The following JAKMIP1 variants were observed in gnomAD, a reference collection of about 807,000 sequenced individuals.
The protein encoded by JAKMIP1 is janus kinase and microtubule interacting protein 1, also known as janus kinase and microtubule-interacting protein 1.
JAKMIP1 carries 33 observed loss-of-function variants against 113.0 expected under a neutral mutation model. The observed-to-expected ratio is 0.29, with a 90% confidence interval of 0.22 to 0.39. The LOEUF (loss-of-function observed/expected upper bound fraction) is 0.39. Ranked by LOEUF, JAKMIP1 falls within the 10% of genes least tolerant of loss-of-function variation. The probability of loss-of-function intolerance (pLI) is 1.00; values close to 1 mark genes in which losing one functional copy is unlikely to be tolerated. For synonymous variants in JAKMIP1, 480 were observed against 459.9 expected, an observed-to-expected ratio of 1.04 and a Z score of -0.56; for missense variants, 813 against 1,080.5, an observed-to-expected ratio of 0.75 and a Z score of 3.47.
At chr4:6,085,858 A>C (rs1464623171) in intron 3 of JAKMIP1, among the ~76,000 whole-genome samples, 1 of 152,184 alleles carries the variant, frequency 6.6e-6, no homozygotes, top group African/African-American at 2.4e-5. Context: ...AAGCACATAC[A>C]TATTCAACCT....
chr4:6,026,416 A>G, intron 20 of JAKMIP1, 138 bp from the exon 21 acceptor site: 1 of 622,218 alleles, frequency 1.6e-6, no homozygotes. Flanking sequence ...GGAAAGAGAA[A>G]TGGGAAGTAA....
At chr4:6,039,193 C>T (rs1578057703) in intron 18 of JAKMIP1, among the ~76,000 whole-genome samples, 1 of 152,260 alleles carries the variant, frequency 6.6e-6, no homozygotes, top group South Asian at 2.1e-4. Context: ...TCTTAGGGGC[C>T]CCTCAGGCCT....
Position 6,137,659 on chromosome 4 carries a change from G to A in JAKMIP1, c.-147-24662C>T, listed in dbSNP as rs927194121. On this transcript the variant is annotated intron_variant, in intron 1 of 20. Coordinates refer to ENST00000409021, the MANE Select transcript of JAKMIP1 (RefSeq NM_001099433.2). This position sits in a 1 kb window ranked among gnomAD's most constrained non-coding sequence, Gnocchi z 4.5. ...GACCAAATGAGCTATCCTGAAATGC[G>A]GAGGCTAAAGAGCCACAAACCATAT... Among the ~76,000 whole-genome samples, 3 of 152,206 alleles carry A rather than the reference G, an allele frequency of 2.0e-5. No homozygotes were observed. The highest frequency in any genetic ancestry group is 4.8e-5 in the African/African-American group (2 of 41,460).
intron 1 of JAKMIP1, among the ~76,000 whole-genome samples, chr4:6,133,370 A>C (rs1341555609): frequency 6.6e-6 from 1 of 152,250 alleles, no homozygotes; most frequent in African/African-American, 2.4e-5. Flanking sequence ...AAAGGTTAGA[A>C]CAAGTACTCC....
Position 6,116,377 on chromosome 4 carries a change from T to C in JAKMIP1, c.-147-3380A>G, listed in dbSNP as rs781446117. Among the ~76,000 whole-genome samples, 12 of 151,922 alleles carry C rather than the reference T, an allele frequency of 7.9e-5. No homozygotes were observed. The highest frequency in any genetic ancestry group is 1.5e-5 in the Non-Finnish European group (1 of 67,998). ...AGCCCACTGCCCACCAAGCAGGAGA[T>C]GGCACAGCCCACTGTCGAGGAAGGA... On this transcript the variant is annotated intron_variant, in intron 1 of 20. Transcript: ENST00000409021. The surrounding 1 kb of genome is among the most constrained non-coding windows in gnomAD (Gnocchi z 5.1).
rs189083470 is a variant in JAKMIP1, at chr4:6,187,200, A to G, written c.-148+13053T>C. Among the ~76,000 whole-genome samples, 18 of 152,244 alleles carry G rather than the reference A, an allele frequency of 1.2e-4. No individual in the cohort carries two copies. The highest frequency in any genetic ancestry group is 9.8e-4 in the Admixed American group (15 of 15,288). ...AGGTGCAAATATGTTTATAATTGTT[A>G]TATATTTCTGATGTATTGAACTTCT... On this transcript the variant is annotated intron_variant, in intron 1 of 20. Transcript: ENST00000409021. The surrounding 1 kb of genome is among the most constrained non-coding windows in gnomAD (Gnocchi z 4.2).
Position 6,167,508 on chromosome 4 carries a change from G to A in JAKMIP1, c.-148+32745C>T, listed in dbSNP as rs905322038. Among the ~76,000 whole-genome samples, 1 of 152,148 alleles carries A rather than the reference G, an allele frequency of 6.6e-6. No individual in the cohort carries two copies. The highest frequency in any genetic ancestry group is 1.5e-5 in the Non-Finnish European group (1 of 68,028). Reference sequence around the variant, plus strand: ...GATGGTGTCACAGCTGTGCAACCTGGGCCACTGCAAAGGGCCCTGAGCTTT... The same window carrying A: ...GATGGTGTCACAGCTGTGCAACCTGAGCCACTGCAAAGGGCCCTGAGCTTT... On this transcript the variant is annotated intron_variant, in intron 1 of 20. Coordinates refer to ENST00000409021, the MANE Select transcript of JAKMIP1 (RefSeq NM_001099433.2). This position sits in a 1 kb window ranked among gnomAD's most constrained non-coding sequence, Gnocchi z 5.3.
chr4:6,069,470 C>T lies in JAKMIP1; in HGVS notation c.1303-4462G>A, dbSNP rs552202620. ...ATTCAGATTAAGATTCAGTTTTGGC[C>T]GGGCACAGTGGCTCATGCCTGTAAT... On this transcript the variant is annotated intron_variant, in intron 8 of 20. Coordinates refer to ENST00000409021, the MANE Select transcript of JAKMIP1 (RefSeq NM_001099433.2). This position sits in a 1 kb window ranked among gnomAD's most constrained non-coding sequence, Gnocchi z 4.5. Among the ~76,000 whole-genome samples the T allele has an allele frequency of 3.9e-5, 6 of 152,240 alleles. No individual in the cohort carries two copies. In the South Asian group the frequency reaches 1.0e-3, roughly 26 times the overall value.
chr4:6,053,221 G>A (rs776177129), intron 13 of JAKMIP1, among the ~76,000 whole-genome samples: 2 of 152,192 alleles, frequency 1.3e-5, no homozygotes, highest in Admixed American at 6.5e-5. Flanking sequence ...TAACACACCC[G>A]AGGTAAGATT....
At position 6,044,180 on chromosome 4, in the gene JAKMIP1, C is replaced by T. The variant is rs571967981; in HGVS notation, c.2029-1953G>A. On this transcript the variant is annotated intron_variant, in intron 16 of 20. Transcript: ENST00000409021. The surrounding 1 kb of genome is among the most constrained non-coding windows in gnomAD (Gnocchi z 4.4). ...CTTGTGAATGCCGGGTCGTAGCACT[C>T]ACCTGACAGCGCTGTTGTCTGTTTC... Among the ~76,000 whole-genome samples, 1 of 129,436 alleles carries T rather than the reference C, an allele frequency of 7.7e-6. No individual in the cohort carries two copies. Among genetic ancestry groups the T allele is most frequent in the South Asian group, 2.2e-4 (1 of 4,468 alleles). 84.9% of individuals were successfully genotyped at this position (129,436 alleles called of 152,430 possible). A position where few individuals can be genotyped will look rare whatever the true frequency, so the allele number is the denominator to read the frequency against.
In JAKMIP1 at chr4:6,065,778, A is replaced by T. The variant is rs564353199; in HGVS notation, c.1303-770T>A. The stretch of plus-strand genomic sequence containing the variant: ...CTTCTCCCACTCCAAATATCATAGG[A>T]TATGGGGCTTCATTCATCTGTCTAT... On this transcript the variant is annotated intron_variant, in intron 8 of 20. Transcript: ENST00000409021. The surrounding 1 kb of genome is among the most constrained non-coding windows in gnomAD (Gnocchi z 5.1). Among the ~76,000 whole-genome samples the T allele has an allele frequency of 5.1e-4, 78 of 152,262 alleles. No homozygotes were observed. The highest frequency in any genetic ancestry group is 1.8e-3 in the African/African-American group (75 of 41,552).
intron 4 of JAKMIP1, 106 bp downstream of exon 4, chr4:6,085,314 A>G (rs202013104): frequency 2.7e-4 from 239 of 884,718 alleles, no homozygotes; most frequent in Non-Finnish European, 3.5e-4. Flanking sequence ...GAATGAATGA[A>G]TGAGTGAATA....
intron 1 of JAKMIP1, among the ~76,000 whole-genome samples, chr4:6,130,481 A>G (rs73198075): frequency 0.17 from 26,408 of 152,200 alleles, 2,671 homozygotes; most frequent in Middle Eastern, 0.25. Flanking sequence ...CAAATGCATC[A>G]TGTCTGGCTC....
intron 9 of JAKMIP1, among the ~76,000 whole-genome samples, chr4:6,063,197 C>T (rs987860084): frequency 6.6e-6 from 1 of 152,114 alleles, no homozygotes; most frequent in Non-Finnish European, 1.5e-5. Context: ...GAAGGAGCTC[C>T]ATGCATGGTT....
Position 6,154,516 on chromosome 4 carries a change from CA to C in JAKMIP1, c.-147-41520del, listed in dbSNP as rs1721995896. 1.3e-5 allele frequency among the ~76,000 whole-genome samples: 2 copies of C among 149,276 alleles called. No homozygotes were observed. The highest frequency in any genetic ancestry group is 4.9e-5 in the African/African-American group (2 of 40,584). On this transcript the variant is annotated intron_variant, in intron 1 of 20. Transcript: ENST00000409021. The surrounding 1 kb of genome is among the most constrained non-coding windows in gnomAD (Gnocchi z 4.2). ...ATAGTCCTTTAAAAAAAAAAAAAAG[CA>C]GGGGGGATATAAAAGGAAGAGGATG...
At chr4:6,054,484 C>T (rs1716077110) in intron 12 of JAKMIP1, among the ~76,000 whole-genome samples, 1 of 152,192 alleles carries the variant, frequency 6.6e-6, no homozygotes, top group South Asian at 2.1e-4. Context: ...TTCCTTGAGG[C>T]CAAACACTGG....
rs1002730678 is a variant in JAKMIP1 at position 6,062,440 on chromosome 4, C to T, written c.1432G>A (p.Ala478Thr). The change falls in exon 10 of 21, where the codon GCC becomes ACC. Residue 478 changes from alanine to threonine, a missense_variant and splice_region_variant. Transcript: ENST00000409021. The stretch of plus-strand genomic sequence containing the variant: ...AGGTCAGCCTCCTCTCGGGCTGTGG[C>T]CTTCACATAATGGAGAAGAAAACAA... ...PATPEEDLDD[A>T]TAREEADLRF... 6 of 1,612,242 alleles carry T rather than the reference C, an allele frequency of 3.7e-6. No individual in the cohort carries two copies. In the African/African-American group the frequency reaches 8.0e-5, roughly 22 times the overall value.
In JAKMIP1 at chr4:6,193,497, C is replaced by T. The variant is rs1727510956; in HGVS notation, c.-148+6756G>A. 6.6e-6 allele frequency among the ~76,000 whole-genome samples: 1 copy of T among 152,278 alleles called. No homozygotes were observed. Among genetic ancestry groups the T allele is most frequent in the Middle Eastern group, 3.4e-3 (1 of 294 alleles). ...CTGGGCCAGGGTAGGGATGAACATT[C>T]CAGGCAGCAAGCAGCTCACACAAGC... On this transcript the variant is annotated intron_variant, in intron 1 of 20. Coordinates refer to ENST00000409021, the MANE Select transcript of JAKMIP1 (RefSeq NM_001099433.2). The surrounding 1 kb of genome is among the most constrained non-coding windows in gnomAD (Gnocchi z 6.4).
rs992305962 is a variant in JAKMIP1 at position 6,049,023 on chromosome 4, G to A, written c.1963-101C>T. 14 of 850,274 alleles carry A rather than the reference G, an allele frequency of 1.6e-5. No individual in the cohort carries two copies. Among genetic ancestry groups the A allele is most frequent in the Admixed American group, 1.4e-4 (7 of 49,772 alleles). 52.7% of individuals were successfully genotyped at this position (850,274 alleles called of 1,614,324 possible). ...TTTTTTTTTTTCGTTGTTGTTGTTT[G>A]TTTTATTATGTTTGTTTGTTTTGAG... On this transcript the variant is annotated intron_variant, in intron 15 of 20. Coordinates refer to ENST00000409021, the MANE Select transcript of JAKMIP1 (RefSeq NM_001099433.2). The surrounding 1 kb of genome is among the most constrained non-coding windows in gnomAD (Gnocchi z 7.0).
Sources: gnomAD v4.1 joint callset for allele counts (sites outside exome capture counted in the v4.1 genomes callset) on GRCh38, gnomAD v4.1.1 for gene constraint, Gnocchi (gnomAD v3.1) non-coding constraint, MANE v1.5 for transcripts, NCBI Gene and HGNC (gene_info 2026-07-23, HGNC 2026-07-21) for gene names.